The following SHLD2 variants were observed in gnomAD, a reference collection of about 807,000 sequenced individuals.
SHLD2 encodes the protein shieldin complex subunit 2, also known as RINN1-REV7-interacting novel NHEJ regulator 2.
SHLD2 carries 30 observed loss-of-function variants against 73.2 expected under a neutral mutation model. The ratio of observed to expected loss-of-function variants is 0.41; its 90% CI spans 0.31 to 0.56. The LOEUF is 0.56. SHLD2 is among the 20% of genes least tolerant of loss of function. SHLD2 has a pLI of 0.28. For synonymous variants in SHLD2, 285 were observed against 370.1 expected (o/e 0.77, Z 2.64); for missense variants, 745 against 1,055.9 (o/e 0.71, Z 4.08).
chr10:87,132,227 TCAG>T, intron 2 of SHLD2, among the ~76,000 whole-genome samples: 2 of 152,194 alleles, frequency 1.3e-5, no homozygotes, highest in Admixed American at 6.5e-5. Context: ...TGTAATGATG[TCAG>T]AATTGGTGTC....
At chr10:87,103,082 C>T (rs1456226893) in intron 2 of SHLD2, among the ~76,000 whole-genome samples, 2 of 151,232 alleles carry the variant, frequency 1.3e-5, no homozygotes, top group Non-Finnish European at 2.9e-5. Context: ...TGGTGGTGCA[C>T]GCCTGTAGTC....
chr10:87,104,290 G>A (rs1842457707), intron 2 of SHLD2, among the ~76,000 whole-genome samples: 1 of 149,290 alleles, frequency 6.7e-6, no homozygotes, highest in Non-Finnish European at 1.5e-5. Context: ...GCTCACACCT[G>A]TAATCCCAGC....
chr10:87,147,029 CTGGG>C (rs1464394720), intron 2 of SHLD2, among the ~76,000 whole-genome samples: 1 of 137,986 alleles, frequency 7.2e-6, no homozygotes, highest in Non-Finnish European at 1.5e-5. Context: ...GCACTCCAGC[CTGGG>C]TGACAAAAGC....
chr10:87,095,482 C>T (rs747492796), intron 1 of SHLD2, among the ~76,000 whole-genome samples: 13 of 152,054 alleles, frequency 8.5e-5, no homozygotes, highest in Non-Finnish European at 1.6e-4. Flanking sequence ...GGCCTCAGGC[C>T]GGGGCCGGGC....
At chr10:87,157,364 G>A (rs1245456146) in intron 3 of SHLD2, among the ~76,000 whole-genome samples, 1 of 152,110 alleles carries the variant, frequency 6.6e-6, no homozygotes, top group African/African-American at 2.4e-5. Flanking sequence ...ACTGTATGCT[G>A]ATTAGATCCT....
Position 87,109,806 on chromosome 10 carries a change from T to G in SHLD2, c.-6+12817T>G, listed in dbSNP as rs115696058. ...ACAAATTCTGCCATGAAAGTTTTCT[T>G]GATTTGGTTGGTGATAGTTAAAATC... On this transcript the variant is annotated intron_variant, in intron 2 of 9. Transcript: ENST00000298786. 5.7e-3 allele frequency among the ~76,000 whole-genome samples: 871 copies of G among 152,308 alleles called. 6 individuals carry two copies. The highest frequency in any genetic ancestry group is 0.019 in the African/African-American group (774 of 41,560).
chr10:87,180,597 C>T (rs1355920974), intron 8 of SHLD2, among the ~76,000 whole-genome samples: 1 of 152,156 alleles, frequency 6.6e-6, no homozygotes, highest in East Asian at 1.9e-4. Flanking sequence ...TCTAAATGCT[C>T]ATAAATAACT....
chr10:87,169,412 T>C (rs1191267478), intron 4 of SHLD2, among the ~76,000 whole-genome samples: 1 of 152,020 alleles, frequency 6.6e-6, no homozygotes, highest in Admixed American at 6.6e-5. Flanking sequence ...AAACTTTTAT[T>C]GTAAAAGCCT....
intron 7 of SHLD2, among the ~76,000 whole-genome samples, chr10:87,177,405 C>T (rs1484959036): frequency 6.6e-6 from 1 of 151,790 alleles, no homozygotes; most frequent in Non-Finnish European, 1.5e-5. Flanking sequence ...AGGACGCAGC[C>T]AGGAATTGTG....
At chr10:87,186,334 A>G (rs1203176635) in intron 8 of SHLD2, among the ~76,000 whole-genome samples, 3 of 152,214 alleles carry the variant, frequency 2.0e-5, no homozygotes, top group Non-Finnish European at 2.9e-5. Context: ...TTAAAAATCA[A>G]TGTAGTTATA....
intron 9 of SHLD2, among the ~76,000 whole-genome samples, chr10:87,189,095 G>A (rs1564618474): frequency 1.3e-5 from 2 of 151,144 alleles, no homozygotes; most frequent in Admixed American, 1.3e-4. Flanking sequence ...TCTGCCTCCT[G>A]GATTCAAGCA....
At chr10:87,153,713 A>C (rs1846177782) in intron 3 of SHLD2, among the ~76,000 whole-genome samples, 1 of 152,118 alleles carries the variant, frequency 6.6e-6, no homozygotes, top group Non-Finnish European at 1.5e-5. Flanking sequence ...TTTCATTACA[A>C]CAAGTATATG....
intron 4 of SHLD2, among the ~76,000 whole-genome samples, chr10:87,166,134 CT>C (rs1385915899): frequency 6.6e-6 from 1 of 152,122 alleles, no homozygotes; most frequent in Non-Finnish European, 1.5e-5. Context: ...ACTATTACTA[CT>C]TTTCTTCAAC....
chr10:87,163,026 G>A (rs567978406), intron 4 of SHLD2, among the ~76,000 whole-genome samples: 12 of 152,090 alleles, frequency 7.9e-5, no homozygotes, highest in African/African-American at 2.2e-4. Context: ...ATATCACAAG[G>A]TTATTCATTG....
At chr10:87,147,190 T>C (rs528303245) in intron 2 of SHLD2, among the ~76,000 whole-genome samples, 1 of 152,160 alleles carries the variant, frequency 6.6e-6, no homozygotes, top group African/African-American at 2.4e-5. Flanking sequence ...GATTCTACTG[T>C]GATCCTATCA....
At chr10:87,111,155 A>T (rs553432114) in intron 2 of SHLD2, among the ~76,000 whole-genome samples, 2 of 151,698 alleles carry the variant, frequency 1.3e-5, no homozygotes, top group Admixed American at 1.3e-4. Flanking sequence ...AAAATTAAAA[A>T]TTTTTTTAAA....
intron 8 of SHLD2, among the ~76,000 whole-genome samples, chr10:87,185,221 C>T (rs1449620194): frequency 2.0e-5 from 3 of 152,118 alleles, no homozygotes; most frequent in African/African-American, 7.2e-5. Context: ...TTTCAAGGTC[C>T]ATCCATGTTG....
intron 4 of SHLD2, among the ~76,000 whole-genome samples, chr10:87,169,120 T>C (rs1847409825): frequency 6.6e-6 from 1 of 152,244 alleles, no homozygotes; most frequent in South Asian, 2.1e-4. Context: ...TGTAAATTTT[T>C]ATGAATCAGG....
intron 3 of SHLD2, among the ~76,000 whole-genome samples, chr10:87,156,313 C>T (rs978534008): frequency 1.3e-5 from 2 of 152,118 alleles, no homozygotes; most frequent in African/African-American, 4.8e-5. Flanking sequence ...GATCTGCCCA[C>T]CTCGGCCTCC....
Sources: allele counts gnomAD v4.1 joint callset (sites outside exome capture counted in the v4.1 genomes callset), GRCh38; gene constraint gnomAD v4.1.1; transcripts MANE v1.5; gene names NCBI Gene and HGNC (gene_info 2026-07-23, HGNC 2026-07-21).